Variants in ATXN1 observed in about 807,000 individuals in gnomAD.
ATXN1 encodes ataxin-1.
ATXN1 carries 8 observed loss-of-function variants against 56.4 expected under a neutral mutation model. That is an observed-to-expected ratio of 0.14 (90% CI 0.08 to 0.26). The LOEUF (loss-of-function observed/expected upper bound fraction) is 0.26. Among genes scored for constraint, ATXN1 ranks in the 10% least tolerant of loss-of-function variants. The pLI is 1.00. For missense variants in ATXN1, 987 were observed against 1,106.5 expected, an observed-to-expected ratio of 0.89 and a Z score of 1.53; for synonymous variants, 514 against 494.6, an observed-to-expected ratio of 1.04 and a Z score of -0.52.
At chr6:16,739,578 C>T (rs1215984832) in intron 2 of ATXN1, 3 of 292,516 alleles carry the variant, frequency 1.0e-5, no homozygotes, top group Non-Finnish European at 2.1e-5. Flanking sequence ...GGAGTTGCTG[C>T]TCTGCAAATG....
At position 16,301,628 on chromosome 6, in the gene ATXN1, T is replaced by A. The variant is rs1760102440; in HGVS notation, c.*4701A>T. 1 of 152,216 alleles carries A rather than the reference T, an allele frequency of 6.6e-6. No individual in the cohort carries two copies. The allele number at this position is 152,216 out of a possible 1,614,324, so 9.4% of individuals were successfully genotyped here. On this transcript the variant is annotated 3_prime_UTR_variant, in exon 8 of 8. Transcript: ENST00000436367. ...AAAAGTGTAATTCTCTCCTTTCACA[T>A]CACCACCGAAGAAACCGAATTGGGC... is the stretch of plus-strand genomic sequence containing the variant.
intron 6 of ATXN1, among the ~76,000 whole-genome samples, chr6:16,361,226 T>C (rs1302840728): frequency 1.3e-5 from 2 of 152,252 alleles, no homozygotes; most frequent in African/African-American, 4.8e-5. Flanking sequence ...AGGGTAATAG[T>C]GATTATTACA....
intron 6 of ATXN1, among the ~76,000 whole-genome samples, chr6:16,429,093 G>T (rs539727134): frequency 6.6e-6 from 1 of 152,204 alleles, no homozygotes; most frequent in East Asian, 1.9e-4. Flanking sequence ...CTGGCGACCT[G>T]TTCCTGCACC....
chr6:16,456,820 C>T (rs902170479), intron 6 of ATXN1, among the ~76,000 whole-genome samples: 6 of 152,164 alleles, frequency 3.9e-5, no homozygotes, highest in African/African-American at 1.2e-4. Flanking sequence ...CTTCTTTAGG[C>T]ACCCAGGCTC....
chr6:16,487,911 GA>G (rs1760582521), intron 5 of ATXN1, among the ~76,000 whole-genome samples: 1 of 152,142 alleles, frequency 6.6e-6, no homozygotes, highest in Non-Finnish European at 1.5e-5. Flanking sequence ...CCAGGTAGAG[GA>G]AACAGTCTGT....
At chr6:16,654,559 AAAAAAAAGAG>A (rs57033937) in intron 3 of ATXN1, among the ~76,000 whole-genome samples, 33,393 of 89,312 alleles carry the variant, frequency 0.37, 5,318 homozygotes, top group African/African-American at 0.52. Context: ...AAAAAAAAAA[AAAAAAAAGAG>A]AGAGAGAGAG....
intron 2 of ATXN1, among the ~76,000 whole-genome samples, chr6:16,658,367 G>A (rs1758249116): frequency 6.6e-6 from 1 of 152,146 alleles, no homozygotes; most frequent in Non-Finnish European, 1.5e-5. Flanking sequence ...CTATTAAGAT[G>A]GAACAAAAAA....
At chr6:16,517,203 T>G (rs2113690647) in intron 5 of ATXN1, among the ~76,000 whole-genome samples, 1 of 152,340 alleles carries the variant, frequency 6.6e-6, no homozygotes, top group Middle Eastern at 3.4e-3. Context: ...GACCCTAATG[T>G]CTTTAGGTCT....
intron 3 of ATXN1, among the ~76,000 whole-genome samples, chr6:16,645,609 C>T (rs1763787153): frequency 6.6e-6 from 1 of 152,076 alleles, no homozygotes; most frequent in Non-Finnish European, 1.5e-5. Flanking sequence ...TTTACCATCT[C>T]CAAGCAGCAT....
Position 16,526,064 on chromosome 6 carries a change from T to TAC in ATXN1, c.-360-3378_-360-3377dup, listed in dbSNP as rs1554113130. 8.9e-4 allele frequency among the ~76,000 whole-genome samples: 118 copies of TAC among 133,196 alleles called. 1 individual carries two copies. The highest frequency in any genetic ancestry group is 3.4e-3 in the African/African-American group (111 of 32,446). The allele number at this position is 133,196 out of a possible 152,430, so 87.4% of individuals were successfully genotyped here. ...ATCTATATATATATATATATATATATACATACATACAATCTATTTATAATG... is the reference window on the plus strand; with the variant it reads ...ATCTATATATATATATATATATATATACACATACATACAATCTATTTATAATG... On this transcript the variant is annotated intron_variant, in intron 4 of 7. Transcript: ENST00000436367.
chr6:16,381,296 G>A (rs1454414934), intron 6 of ATXN1, among the ~76,000 whole-genome samples: 1 of 152,012 alleles, frequency 6.6e-6, no homozygotes, highest in African/African-American at 2.4e-5. Flanking sequence ...GAAAAAAAAA[G>A]GGGGAAATGT....
At chr6:16,405,881 G>C (rs1252289467) in intron 6 of ATXN1, among the ~76,000 whole-genome samples, 1 of 152,102 alleles carries the variant, frequency 6.6e-6, no homozygotes, top group East Asian at 1.9e-4. Context: ...AATGGAAAGA[G>C]GTGCTGGAAC....
chr6:16,712,169 C>T (rs4716091), intron 2 of ATXN1, among the ~76,000 whole-genome samples: 29,437 of 152,072 alleles, frequency 0.19, 3,403 homozygotes, highest in South Asian at 0.25. Context: ...AAACTCATTG[C>T]GCTGTACGCT....
At chr6:16,379,796 A>G (rs1762215436) in intron 6 of ATXN1, among the ~76,000 whole-genome samples, 1 of 152,214 alleles carries the variant, frequency 6.6e-6, no homozygotes, top group Admixed American at 6.5e-5. Flanking sequence ...GCAGCAACTC[A>G]CTCTGCAAAG....
chr6:16,428,173 C>A (rs1341152811), intron 6 of ATXN1, among the ~76,000 whole-genome samples: 1 of 143,816 alleles, frequency 7.0e-6, no homozygotes, highest in African/African-American at 2.6e-5. Context: ...GGCTGGAGTG[C>A]AATGGGGCAA....
At chr6:16,525,047 AAAC>A (rs921242865) in intron 4 of ATXN1, among the ~76,000 whole-genome samples, 5 of 152,094 alleles carry the variant, frequency 3.3e-5, no homozygotes, top group Admixed American at 2.0e-4. Context: ...AGCAAAACAA[AAAC>A]AACAACAACA....
At chr6:16,396,048 A>G (rs950426239) in intron 6 of ATXN1, among the ~76,000 whole-genome samples, 2 of 149,656 alleles carry the variant, frequency 1.3e-5, no homozygotes, top group Non-Finnish European at 3.0e-5. Context: ...AAGCCAATTA[A>G]CTGTAAACAG....
chr6:16,697,353 A>G (rs986877497), intron 2 of ATXN1, among the ~76,000 whole-genome samples: 1 of 152,168 alleles, frequency 6.6e-6, no homozygotes, highest in South Asian at 2.1e-4. Flanking sequence ...GGACTTGTCT[A>G]AGACTCTACT....
At chr6:16,759,850 A>C (rs1424665049) in intron 1 of ATXN1, among the ~76,000 whole-genome samples, 2 of 152,028 alleles carry the variant, frequency 1.3e-5, no homozygotes, top group African/African-American at 4.8e-5. Flanking sequence ...AAATGAAAGC[A>C]CAAGCCACGG....
Sources: gnomAD v4.1 joint callset for allele counts (sites outside exome capture counted in the v4.1 genomes callset) on GRCh38, gnomAD v4.1.1 for gene constraint, MANE v1.5 for transcripts, NCBI Gene and HGNC (gene_info 2026-07-23, HGNC 2026-07-21) for gene names.